Variants in HEATR1 observed in about 807,000 individuals in gnomAD.
HEATR1 encodes HEAT repeat containing 1, also known as HEAT repeat-containing protein 1.
Under a neutral mutation model 248.2 loss-of-function variants are expected in HEATR1, and 77 were observed. That is an observed-to-expected ratio of 0.31 (90% CI 0.26 to 0.37). HEATR1 has a LOEUF of 0.37. Among genes scored for constraint, HEATR1 ranks in the 10% least tolerant of loss-of-function variants. The pLI is 1.00. For missense variants in HEATR1, 2,420 were observed against 2,504.9 expected, an observed-to-expected ratio of 0.97 and a Z score of 0.72; for synonymous variants, 897 against 923.1, an observed-to-expected ratio of 0.97 and a Z score of 0.51.
At chr1:236,560,559 G>A (rs1413982194) in intron 33 of HEATR1, among the ~76,000 whole-genome samples, 2 of 152,172 alleles carry the variant, frequency 1.3e-5, no homozygotes, top group African/African-American at 4.8e-5. Context: ...CTACAAGTCA[G>A]CCCACAGGAC....
At chr1:236,593,913 T>C (rs554062304) in intron 9 of HEATR1, 99 bp downstream of exon 9, 14 of 745,244 alleles carry the variant, frequency 1.9e-5, no homozygotes, top group Non-Finnish European at 3.0e-5. Context: ...AAACAAGATA[T>C]ACATTAAAAA....
Position 236,582,818 on chromosome 1 carries a change from T to G in HEATR1, c.2480A>C (p.His827Pro). Residue 827 changes from histidine to proline, a missense_variant, in exon 19 of 45, where the codon CAC becomes CCC. Transcript: ENST00000366582. ...QLKEDSRDYLHLLIGLFEMML... is the reference protein window; with the variant it reads ...QLKEDSRDYLPLLIGLFEMML... ...CATCTCAAACAGCCCAATGAGCAAGTGCAGATAGTCCCTGCTGTCTTCTTT... is the reference window on the plus strand; with the variant it reads ...CATCTCAAACAGCCCAATGAGCAAGGGCAGATAGTCCCTGCTGTCTTCTTT... The G allele has an allele frequency of 6.2e-7, 1 of 1,613,936 alleles. No homozygotes were observed.
In HEATR1 at chr1:236,555,588, T is replaced by C. The variant is rs564113419; in HGVS notation, c.5717A>G (p.Lys1906Arg). 4.6e-5 allele frequency: 75 copies of C among 1,614,218 alleles called. No individual in the cohort carries two copies. In the South Asian group the frequency reaches 7.1e-4, roughly 15 times the overall value. ...IIDCLVAMVV[K>R]LSEVTFRPLF... is the part of the protein sequence containing the mutation. ...GGGCCTGAATGTGACCTCGGAAAGTTTGACAACCATGGCTACTAGACAGTC... is the reference window on the plus strand; with the variant it reads ...GGGCCTGAATGTGACCTCGGAAAGTCTGACAACCATGGCTACTAGACAGTC... The change falls in exon 40 of 45, where the codon AAA becomes AGA. Residue 1906 changes from lysine (K) to arginine (R), a missense_variant. Lys to Arg is a conservative substitution (Grantham distance 26). Transcript: ENST00000366582.
Position 236,585,770 on chromosome 1 carries a change from T to G in HEATR1, c.2049+50A>C, listed in dbSNP as rs183760665. 3.5e-5 allele frequency: 55 copies of G among 1,556,596 alleles called. No homozygotes were observed. In the East Asian group the frequency reaches 1.2e-3, roughly 35 times the overall value. On this transcript the variant is annotated intron_variant, in intron 16 of 44. Coordinates refer to ENST00000366582, the MANE Select transcript of HEATR1 (RefSeq NM_018072.6). ...AGTAAAGCAAAAGCTGAGAATTTAA[T>G]AAGAGTATGAGAAAGAAATCCAGGG...
Position 236,576,833 on chromosome 1 carries a change from G to C in HEATR1, c.2872C>G (p.His958Asp). ...ATCTCCTCTGCTTTAGAAATCAAAT[G>C]ATCTATTATCAGATAAAACGGGGAT... ...VASPFYLIID[H>D]LISKAEEITS... is the part of the protein sequence containing the mutation. Residue 958 changes from histidine to aspartate, a missense_variant, in exon 21 of 45, where the codon CAT becomes GAT. Coordinates refer to ENST00000366582, the MANE Select transcript of HEATR1 (RefSeq NM_018072.6). The C allele has an allele frequency of 6.2e-7, 1 of 1,613,998 alleles. No individual in the cohort carries two copies. Among genetic ancestry groups the C allele is most frequent in the Non-Finnish European group, 8.5e-7 (1 of 1,179,948 alleles).
chr1:236,576,124 T>C lies in HEATR1; in HGVS notation c.3084+95A>G, dbSNP rs549802866. On this transcript the variant is annotated intron_variant, in intron 22 of 44. Transcript: ENST00000366582. ...CATTTATCTCTTCTGAGCGCACACA[T>C]GCAACTCTTACAATTGTCTTCTTCA... The C allele has an allele frequency of 9.2e-5, 87 of 942,234 alleles. 1 individual carries two copies. Among genetic ancestry groups the C allele is most frequent in the Non-Finnish European group, 1.2e-4 (81 of 649,260 alleles). The allele number at this position is 942,234 out of a possible 1,614,324, so 58.4% of individuals were successfully genotyped here.
At position 236,597,883 on chromosome 1, in the gene HEATR1, C is replaced by T; in HGVS notation, c.598G>A (p.Val200Met). Residue 200 changes from valine to methionine, a missense_variant, in exon 5 of 45, where the codon GTG becomes ATG. By Grantham distance (21) the Val-to-Met change is conservative. Coordinates refer to ENST00000366582, the MANE Select transcript of HEATR1 (RefSeq NM_018072.6). ...TCATGAAACAGACTGCTCACCTTCA[C>T]AGATTTTGTCACCAAACTGCAAATG... ...DFICSLVTKS[V>M]KVFAEYPGSS... is the part of the protein sequence containing the mutation. 1 of 1,609,626 alleles carries T rather than the reference C, an allele frequency of 6.2e-7. No individual in the cohort carries two copies.
chr1:236,558,654 C>G, intron 35 of HEATR1, 125 bp from the exon 36 acceptor site: 2 of 932,956 alleles, frequency 2.1e-6, no homozygotes, highest in Non-Finnish European at 3.2e-6. Flanking sequence ...GTCACACAGT[C>G]ATGCTAAGCG....
intron 14 of HEATR1, 74 bp downstream of exon 14, chr1:236,587,326 AAG>A (rs1663921438): frequency 2.4e-5 from 16 of 664,914 alleles, no homozygotes; most frequent in African/African-American, 9.7e-5. Context: ...TAAAAAAAAA[AAG>A]AAGAAGAAAT....
chr1:236,581,522 A>C (rs1175021659), intron 19 of HEATR1, 108 bp from the exon 20 acceptor site: 1 of 765,674 alleles, frequency 1.3e-6, no homozygotes, highest in Non-Finnish European at 2.0e-6. Context: ...AATTTAAGGC[A>C]AAGTTTTGCT....
chr1:236,584,112 G>A (rs1891238), intron 17 of HEATR1, among the ~76,000 whole-genome samples: 89,399 of 151,968 alleles, frequency 0.59, 28,065 homozygotes, highest in Non-Finnish European at 0.69. Context: ...TTAACTCAAC[G>A]TGCTGCTACA....
At chr1:236,557,404 G>C (rs1663007803) in intron 36 of HEATR1, 59 bp from the exon 37 acceptor site, 1 of 1,564,444 alleles carries the variant, frequency 6.4e-7, no homozygotes. Context: ...CTAGGGAATG[G>C]AGTAGAGGGC....
rs553736534 is a variant in HEATR1, at chr1:236,581,000, AG to A, written c.2755+221del. Among the ~76,000 whole-genome samples the A allele has an allele frequency of 3.9e-3, 597 of 151,440 alleles. 4 individuals are homozygous for A. The highest frequency in any genetic ancestry group is 0.014 in the African/African-American group (561 of 41,216). On this transcript the variant is annotated intron_variant, in intron 20 of 44. Coordinates refer to ENST00000366582, the MANE Select transcript of HEATR1 (RefSeq NM_018072.6). ...ACGCCCAGCTAATTTTTGTATTTTTAGTAGAGACGGGGTTTCACCATGTTGC... is the reference window on the plus strand; with the variant it reads ...ACGCCCAGCTAATTTTTGTATTTTTATAGAGACGGGGTTTCACCATGTTGC...
chr1:236,597,031 A>T, intron 5 of HEATR1, 55 bp from the exon 6 acceptor site: 1 of 1,550,714 alleles, frequency 6.4e-7, no homozygotes, highest in Non-Finnish European at 8.8e-7. Context: ...AGGTAGAAGG[A>T]TTGCTTGAGG....
In HEATR1 at chr1:236,566,636, A is replaced by G; in HGVS notation, c.4308+10T>C. ...ACCATTTTCCTTATCTTCCCACCCT[A>G]GGTTCTGACCTTTTCGCCATAGGCA... On this transcript the variant is annotated intron_variant, in intron 30 of 44. Transcript: ENST00000366582. The G allele has an allele frequency of 1.3e-6, 2 of 1,588,734 alleles. No individual in the cohort carries two copies. The highest frequency in any genetic ancestry group is 1.7e-6 in the Non-Finnish European group (2 of 1,157,550).
At chr1:236,585,722 G>A (rs10925166) in intron 16 of HEATR1, 98 bp downstream of exon 16, 831,550 of 1,252,438 alleles carry the variant, frequency 0.66, 281,291 homozygotes, top group Non-Finnish European at 0.7. Flanking sequence ...AAGAATAAAA[G>A]AAATTTTTTT....
chr1:236,572,822 C>T lies in HEATR1; in HGVS notation c.3466G>A (p.Val1156Ile), dbSNP rs781305437. Reference protein sequence around the residue: ...TVSSVFKGISVNAEQVRIELE... With the variant: ...TVSSVFKGISINAEQVRIELE... ...TCTATTCGGACTTGTTCAGCATTAA[C>T]GGAAATCTGAAATATTGAAGGAAGA... Residue 1156 changes from valine to isoleucine, a missense_variant, in exon 25 of 45, where the codon GTT becomes ATT. Coordinates refer to ENST00000366582, the MANE Select transcript of HEATR1 (RefSeq NM_018072.6). 4.8e-5 allele frequency: 77 copies of T among 1,612,900 alleles called. No homozygotes were observed. Among genetic ancestry groups the T allele is most frequent in the South Asian group, 6.6e-5 (6 of 91,056 alleles).
rs772724949 is a variant in HEATR1, at chr1:236,574,185, A to G, written c.3459+17T>C. The G allele has an allele frequency of 8.2e-6, 13 of 1,578,002 alleles. No individual in the cohort carries two copies. In the South Asian group the frequency reaches 1.4e-4, roughly 18 times the overall value. On this transcript the variant is annotated intron_variant, in intron 24 of 44. Coordinates refer to ENST00000366582, the MANE Select transcript of HEATR1 (RefSeq NM_018072.6). ...ATAAACATTAATAAAAAAAATTACAAGAAGTTTGCAGCTTACCCCTTTAAA... is the reference window on the plus strand; with the variant it reads ...ATAAACATTAATAAAAAAAATTACAGGAAGTTTGCAGCTTACCCCTTTAAA...
At chr1:236,577,158 A>G (rs1312529050) in intron 20 of HEATR1, among the ~76,000 whole-genome samples, 1 of 149,194 alleles carries the variant, frequency 6.7e-6, no homozygotes, top group African/African-American at 2.5e-5. Flanking sequence ...AGCATACTAT[A>G]AACTCTGTTC....
Sources: allele counts gnomAD v4.1 joint callset (sites outside exome capture counted in the v4.1 genomes callset), GRCh38; gene constraint gnomAD v4.1.1; transcripts MANE v1.5; gene names NCBI Gene and HGNC (gene_info 2026-07-23, HGNC 2026-07-21).